SCFD2: variants seen among roughly 807,000 people sequenced by gnomAD.
The protein encoded by SCFD2 is sec1 family domain-containing protein 2.
A neutral mutation model predicts 58.9 loss-of-function variants in SCFD2; 54 were observed. The ratio of observed to expected loss-of-function variants is 0.92; its 90% CI spans 0.74 to 1.15. SCFD2 has a LOEUF of 1.15. SCFD2 is among the 50% of genes most tolerant of loss of function. The pLI is 0.00. For synonymous variants in SCFD2, 321 were observed against 335.9 expected (o/e 0.96, Z 0.49); for missense variants, 805 against 836.6 (o/e 0.96, Z 0.47).
intron 5 of SCFD2, among the ~76,000 whole-genome samples, chr4:53,111,493 G>A (rs1397512452): frequency 1.3e-5 from 2 of 152,182 alleles, no homozygotes; most frequent in African/African-American, 2.4e-5. Context: ...CAAGCAAAAT[G>A]TTGTGAAGCT....
At chr4:53,354,584 G>A (rs1196743907) in intron 1 of SCFD2, among the ~76,000 whole-genome samples, 1 of 152,194 alleles carries the variant, frequency 6.6e-6, no homozygotes, top group African/African-American at 2.4e-5. Context: ...CCGAGGCCGA[G>A]GAGGCACTGA....
intron 5 of SCFD2, among the ~76,000 whole-genome samples, chr4:52,993,746 TA>T (rs1242112953): frequency 6.6e-6 from 1 of 152,250 alleles, no homozygotes; most frequent in Non-Finnish European, 1.5e-5. Flanking sequence ...AAAATGGTCA[TA>T]AAATTAATTG....
chr4:53,041,550 A>G (rs891123974), intron 5 of SCFD2, among the ~76,000 whole-genome samples: 1 of 152,204 alleles, frequency 6.6e-6, no homozygotes, highest in African/African-American at 2.4e-5. Context: ...TGTGCACTCC[A>G]GTTACCAGCT....
At chr4:53,120,414 C>G (rs1470241325) in intron 5 of SCFD2, among the ~76,000 whole-genome samples, 1 of 152,190 alleles carries the variant, frequency 6.6e-6, no homozygotes, top group Non-Finnish European at 1.5e-5. Flanking sequence ...TGAGATATAA[C>G]TTGCTCAGGG....
chr4:53,255,680 C>T (rs1730586539), intron 4 of SCFD2, among the ~76,000 whole-genome samples: 1 of 152,210 alleles, frequency 6.6e-6, no homozygotes, highest in Admixed American at 6.5e-5. Flanking sequence ...GTTTCTATTC[C>T]ACAAAACCTC....
intron 6 of SCFD2, among the ~76,000 whole-genome samples, chr4:52,913,182 T>C (rs561920419): frequency 6.6e-6 from 1 of 152,086 alleles, no homozygotes; most frequent in Non-Finnish European, 1.5e-5. Context: ...GGGACCCAGG[T>C]TCCTGCTACA....
At chr4:52,886,347 C>T (rs2109448009) in intron 7 of SCFD2, among the ~76,000 whole-genome samples, 1 of 152,366 alleles carries the variant, frequency 6.6e-6, no homozygotes, top group South Asian at 2.1e-4. Flanking sequence ...CTTGCATCCC[C>T]TCTCTGCTGA....
At chr4:53,298,717 C>G (rs1485522656) in intron 3 of SCFD2, among the ~76,000 whole-genome samples, 1 of 152,174 alleles carries the variant, frequency 6.6e-6, no homozygotes, top group Non-Finnish European at 1.5e-5. Context: ...ACTGACACCT[C>G]ACACAGCTGG....
chr4:53,001,922 A>G (rs1249428667), intron 5 of SCFD2, among the ~76,000 whole-genome samples: 1 of 152,250 alleles, frequency 6.6e-6, no homozygotes, highest in Non-Finnish European at 1.5e-5. Context: ...TCTAAGTAGT[A>G]AGCTGTAAAG....
chr4:53,055,742 TAA>T (rs991071363), intron 5 of SCFD2, among the ~76,000 whole-genome samples: 49 of 152,178 alleles, frequency 3.2e-4, no homozygotes, highest in African/African-American at 9.9e-4. Flanking sequence ...AACATTAGAG[TAA>T]ACGCCCTGGC....
intron 5 of SCFD2, among the ~76,000 whole-genome samples, chr4:53,042,336 T>C (rs1252649210): frequency 6.6e-6 from 1 of 151,794 alleles, no homozygotes; most frequent in South Asian, 2.1e-4. Flanking sequence ...TGTGTGTGTG[T>C]GTATATATAT....
chr4:53,299,775 A>G (rs1380643110), intron 3 of SCFD2, among the ~76,000 whole-genome samples: 1 of 152,162 alleles, frequency 6.6e-6, no homozygotes, highest in East Asian at 1.9e-4. Flanking sequence ...AAGCCAGAAG[A>G]GAGTGGGTGC....
Position 53,327,188 on chromosome 4 carries a change from C to T in SCFD2, c.1008-13425G>A, listed in dbSNP as rs989175049. On this transcript the variant is annotated intron_variant, in intron 2 of 8. Transcript: ENST00000401642. Reference sequence around the variant, plus strand: ...TATCGTCTTGGGGAGGGTTGGTAGCCGAATACAAGGTGTTGGGATCCAAGC... The same window carrying T: ...TATCGTCTTGGGGAGGGTTGGTAGCTGAATACAAGGTGTTGGGATCCAAGC... Among the ~76,000 whole-genome samples the T allele has an allele frequency of 4.6e-5, 7 of 151,608 alleles. No homozygotes were observed. In the South Asian group the frequency reaches 6.3e-4, roughly 14 times the overall value.
At position 53,178,653 on chromosome 4, in the gene SCFD2, G is replaced by A. The variant is rs139390634; in HGVS notation, c.1312-33071C>T. ...AATGGAACAAAGCTGGACGGAGAAT[G>A]ACTTTGACGAGTTGAGAGAAGAAGC... On this transcript the variant is annotated intron_variant, in intron 4 of 8. Transcript: ENST00000401642. Among the ~76,000 whole-genome samples, 805 of 152,326 alleles carry A rather than the reference G, an allele frequency of 5.3e-3. 5 individuals carry two copies. Among genetic ancestry groups the A allele is most frequent in the Non-Finnish European group, 8.5e-3 (575 of 68,034 alleles).
chr4:52,955,861 C>T (rs769062342), intron 5 of SCFD2: 23 of 344,226 alleles, frequency 6.7e-5, no homozygotes, highest in Admixed American at 3.9e-4. Flanking sequence ...ATATCCATTG[C>T]GTGCCCAAGT....
chr4:53,340,103 T>C (rs891060385), intron 2 of SCFD2, among the ~76,000 whole-genome samples: 1 of 152,062 alleles, frequency 6.6e-6, no homozygotes, highest in Non-Finnish European at 1.5e-5. Context: ...CACTGGGGAT[T>C]GTCAGACAGT....
chr4:53,087,748 C>T (rs972347258), intron 5 of SCFD2, among the ~76,000 whole-genome samples: 2 of 150,602 alleles, frequency 1.3e-5, no homozygotes, highest in Admixed American at 6.7e-5. Context: ...CAACCTCTGC[C>T]TCCCAGGTTT....
chr4:53,148,401 G>A (rs1414195939), intron 4 of SCFD2, among the ~76,000 whole-genome samples: 3 of 152,060 alleles, frequency 2.0e-5, no homozygotes, highest in African/African-American at 4.8e-5. Flanking sequence ...TGCATCCCAC[G>A]AAGCCTATAA....
At chr4:53,033,829 C>G (rs1722684775) in intron 5 of SCFD2, among the ~76,000 whole-genome samples, 1 of 152,014 alleles carries the variant, frequency 6.6e-6, no homozygotes, top group Non-Finnish European at 1.5e-5. Flanking sequence ...TAACAGCCAC[C>G]CAACCAAAAA....
Sources: gnomAD v4.1 joint callset for allele counts (sites outside exome capture counted in the v4.1 genomes callset) on GRCh38, gnomAD v4.1.1 for gene constraint, MANE v1.5 for transcripts, NCBI Gene and HGNC (gene_info 2026-07-23, HGNC 2026-07-21) for gene names.